Variants in CHD3 observed in about 807,000 individuals in gnomAD.
The protein encoded by CHD3 is chromodomain helicase DNA binding protein 3, also known as ATP-dependent chromatin remodeler CHD3.
A neutral mutation model predicts 248.9 loss-of-function variants in CHD3; 52 were observed. That is an observed-to-expected ratio of 0.21 (90% confidence interval 0.17 to 0.26). CHD3 has a LOEUF of 0.26. CHD3 is among the 10% of genes least tolerant of loss of function. The pLI is 1.00. For synonymous variants in CHD3, 985 were observed against 985.2 expected (o/e 1.00, Z 0.00); for missense variants, 1,482 against 2,605.8 (o/e 0.57, Z 9.39).
Position 7,903,620 on chromosome 17 carries a change from C to T in CHD3, c.3727+117C>T, listed in dbSNP as rs1970562636. 4 of 1,051,164 alleles carry T rather than the reference C, an allele frequency of 3.8e-6. No homozygotes were observed. The highest frequency in any genetic ancestry group is 5.5e-6 in the Non-Finnish European group (4 of 726,530). The allele number at this position is 1,051,164 out of a possible 1,614,324, so 65.1% of individuals were successfully genotyped here. A position where few individuals can be genotyped will look rare whatever the true frequency, so the allele number is the denominator to read the frequency against. On this transcript the variant is annotated intron_variant, in intron 23 of 39. Coordinates refer to ENST00000330494, the MANE Select transcript of CHD3 (RefSeq NM_001005273.3). This position sits in a 1 kb window ranked among gnomAD's most constrained non-coding sequence, Gnocchi z 6.8. ...CTGCAGCCTTTGAAGGAAGGAGAGCCTTCTTTTAGTAGCCCTTGGAGGAAG... is the reference window on the plus strand; with the variant it reads ...CTGCAGCCTTTGAAGGAAGGAGAGCTTTCTTTTAGTAGCCCTTGGAGGAAG...
chr17:7,904,026 C>T lies in CHD3; in HGVS notation c.3894+35C>T, dbSNP rs1970612888. ...TTTGGGGGCCAGACATTATCTATCC[C>T]AGGCCATCTCCAAAAGGCAGTATCC... On this transcript the variant is annotated intron_variant, in intron 24 of 39. Coordinates refer to ENST00000330494, the MANE Select transcript of CHD3 (RefSeq NM_001005273.3). This position sits in a 1 kb window ranked among gnomAD's most constrained non-coding sequence, Gnocchi z 4.4. 6.2e-7 allele frequency: 1 copy of T among 1,604,356 alleles called. No individual in the cohort carries two copies. The highest frequency in any genetic ancestry group is 1.3e-5 in the African/African-American group (1 of 74,860).
chr17:7,889,863 T>G lies in CHD3; in HGVS notation c.213+87T>G. ...CATTTTCTCTGGTCCTGATTACTGG[T>G]GTGGGGGTGGGGTTCTGAAGCCAGG... On this transcript the variant is annotated intron_variant, in intron 2 of 39. Coordinates refer to ENST00000330494, the MANE Select transcript of CHD3 (RefSeq NM_001005273.3). This position sits in a 1 kb window ranked among gnomAD's most constrained non-coding sequence, Gnocchi z 4.5. The G allele has an allele frequency of 7.6e-7, 1 of 1,321,894 alleles. No individual in the cohort carries two copies. 81.9% of individuals were successfully genotyped at this position (1,321,894 alleles called of 1,614,324 possible).
In CHD3 at chr17:7,900,820, T is replaced by G; in HGVS notation, c.2979-32T>G. 8 of 1,612,098 alleles carry G rather than the reference T, an allele frequency of 5.0e-6. No homozygotes were observed. Among genetic ancestry groups the G allele is most frequent in the Non-Finnish European group, 6.8e-6 (8 of 1,178,648 alleles). On this transcript the variant is annotated intron_variant, in intron 18 of 39. Coordinates refer to ENST00000330494, the MANE Select transcript of CHD3 (RefSeq NM_001005273.3). The surrounding 1 kb of genome is among the most constrained non-coding windows in gnomAD (Gnocchi z 6.5). Reference sequence around the variant, plus strand: ...ATATCATAATTGCTTCCTTTATTTATGTTTCTTTTACACCCCTTTCCTGGC... The same window carrying G: ...ATATCATAATTGCTTCCTTTATTTAGGTTTCTTTTACACCCCTTTCCTGGC...
chr17:7,893,268 C>G lies in CHD3; in HGVS notation c.510-18C>G. On this transcript the variant is annotated intron_variant, in intron 4 of 39. Coordinates refer to ENST00000330494, the MANE Select transcript of CHD3 (RefSeq NM_001005273.3). ...ACCATCTGTGAAGGGTCCGAGTTTTCTGCTTCTATATTTACAGGCCCCTAA... is the reference window on the plus strand; with the variant it reads ...ACCATCTGTGAAGGGTCCGAGTTTTGTGCTTCTATATTTACAGGCCCCTAA... The G allele has an allele frequency of 6.3e-7, 1 of 1,589,170 alleles. No individual in the cohort carries two copies. Among genetic ancestry groups the G allele is most frequent in the Non-Finnish European group, 8.6e-7 (1 of 1,165,594 alleles).
rs1185168169 is a variant in CHD3 at position 7,889,073 on chromosome 17, G to GGGT, written c.74_75insGTG (p.Gly25_Leu26insTer). 5.6e-6 allele frequency: 9 copies of GGGT among 1,614,240 alleles called. No individual in the cohort carries two copies. Among genetic ancestry groups the GGGT allele is most frequent in the Non-Finnish European group, 7.6e-6 (9 of 1,180,038 alleles). On this transcript the variant is annotated stop_gained and inframe_insertion, in exon 1 of 40. Transcript: ENST00000330494. LOFTEE classifies it high-confidence loss of function. This position sits in a 1 kb window ranked among gnomAD's most constrained non-coding sequence, Gnocchi z 4.5. ...CCAGCTGAGGATTTCTTTTCCTCCA[G>GGGT]GACTGTGTTGGGGTGACAGGATGCC... is the stretch of plus-strand genomic sequence containing the variant.
rs1210120022 is a variant in CHD3 at position 7,909,679 on chromosome 17, A to G, written c.5590+341A>G. ...AACATCATCCAGTTAGGGGCCTTGG[A>G]CTGTGAATGCACCATACAGATCCCT... is the stretch of plus-strand genomic sequence containing the variant. On this transcript the variant is annotated intron_variant, in intron 37 of 39. Coordinates refer to ENST00000330494, the MANE Select transcript of CHD3 (RefSeq NM_001005273.3). The surrounding 1 kb of genome is among the most constrained non-coding windows in gnomAD (Gnocchi z 8.1). The G allele has an allele frequency of 5.7e-6, 2 of 351,442 alleles. No individual in the cohort carries two copies. The highest frequency in any genetic ancestry group is 5.8e-5 in the East Asian group (1 of 17,294). The allele number at this position is 351,442 out of a possible 1,614,324, so 21.8% of individuals were successfully genotyped here.
At chr17:7,902,138 G>A (rs1372311437) in intron 20 of CHD3, among the ~76,000 whole-genome samples, 1 of 151,930 alleles carries the variant, frequency 6.6e-6, no homozygotes, top group Non-Finnish European at 1.5e-5. Context: ...TGTGACAAGA[G>A]GGCCAGACGT....
rs910715898 is a variant in CHD3 at position 7,905,260 on chromosome 17, C to CGT, written c.4138+105_4138+106dup. The CGT allele has an allele frequency of 3.4e-5, 40 of 1,180,892 alleles. No homozygotes were observed. Among genetic ancestry groups the CGT allele is most frequent in the African/African-American group, 2.6e-4 (17 of 66,352 alleles). The allele number at this position is 1,180,892 out of a possible 1,614,324, so 73.2% of individuals were successfully genotyped here. On this transcript the variant is annotated intron_variant, in intron 26 of 39. Transcript: ENST00000330494. The surrounding 1 kb of genome is among the most constrained non-coding windows in gnomAD (Gnocchi z 5.8). ...GTTTTTATACAAGTAAAAAAGTCTT[C>CGT]GTGTGTGTGTGGAAAAACTCGATTG...
Position 7,912,204 on chromosome 17 carries a change from A to C in CHD3, c.*619A>C. The C allele has an allele frequency of 5.8e-6, 1 of 173,508 alleles. No individual in the cohort carries two copies. The highest frequency in any genetic ancestry group is 1.2e-5 in the Non-Finnish European group (1 of 82,716). 10.7% of individuals were successfully genotyped at this position (173,508 alleles called of 1,614,324 possible). A position where few individuals can be genotyped will look rare whatever the true frequency, so the allele number is the denominator to read the frequency against. On this transcript the variant is annotated 3_prime_UTR_variant, in exon 40 of 40. Transcript: ENST00000330494. The stretch of plus-strand genomic sequence containing the variant: ...AAAGGTGCCGTTCACTGGCTCAGTT[A>C]CCTCCTGTGTACCGGCATCTTGTGT...
intron 6 of CHD3, 84 bp downstream of exon 6, chr17:7,894,019 C>T: frequency 1.9e-6 from 3 of 1,585,504 alleles, no homozygotes; most frequent in Non-Finnish European, 2.6e-6. Context: ...GATCCAGAGA[C>T]AGGGATCCGT....
chr17:7,887,703 C>A (rs1216848794), upstream of CHD3, among the ~76,000 whole-genome samples: 1 of 152,156 alleles, frequency 6.6e-6, no homozygotes, highest in Non-Finnish European at 1.5e-5. Context: ...GGCCGAGACT[C>A]CTCCCGCTTG....
In CHD3 at chr17:7,897,305, G is replaced by C. The variant is rs373129711; in HGVS notation, c.1919+11G>C. On this transcript the variant is annotated intron_variant, in intron 11 of 39. Coordinates refer to ENST00000330494, the MANE Select transcript of CHD3 (RefSeq NM_001005273.3). This position sits in a 1 kb window ranked among gnomAD's most constrained non-coding sequence, Gnocchi z 4.8. ...CATCATCAACCACAGGTGAATCCTC[G>C]GTCCCTGGGAAGTCAGACCTGGTAT... 1.5e-5 allele frequency: 24 copies of C among 1,611,294 alleles called. No homozygotes were observed. Among genetic ancestry groups the C allele is most frequent in the Non-Finnish European group, 2.0e-5 (23 of 1,178,840 alleles).
At chr17:7,894,359 C>T in intron 7 of CHD3, 56 bp from the exon 8 acceptor site, 1 of 1,588,812 alleles carries the variant, frequency 6.3e-7, no homozygotes, top group Non-Finnish European at 8.6e-7. Flanking sequence ...TTCTCCCTCT[C>T]TCTCTCCATC....
chr17:7,889,768 A>G lies in CHD3; in HGVS notation c.205A>G (p.Lys69Glu). Residue 69 changes from lysine (K) to glutamate (E), a missense_variant, in exon 2 of 40, where the codon AAG becomes GAG. Lys to Glu is a moderately conservative substitution (Grantham distance 56). Transcript: ENST00000330494. This position sits in a 1 kb window ranked among gnomAD's most constrained non-coding sequence, Gnocchi z 4.5. ...CAAGCCAGGAAAACCCCGAAAACGC[A>G]AGAAGCGTGTAAGTGTCAAGAATTC... ...ENKPGKPRKR[K>E]KRDSEEEFGS... 6.2e-7 allele frequency: 1 copy of G among 1,610,790 alleles called. No homozygotes were observed. The highest frequency in any genetic ancestry group is 1.6e-4 in the Middle Eastern group (1 of 6,062).
Position 7,893,415 on chromosome 17 carries a change from G to GGCAGCA in CHD3, c.651_656dup (p.Ala218_Ala219dup), listed in dbSNP as rs748472194. On this transcript the variant is annotated inframe_insertion, in exon 5 of 40. Coordinates refer to ENST00000330494, the MANE Select transcript of CHD3 (RefSeq NM_001005273.3). ...CAGCAGCTGCTGTGGCGGCGGCAGC[G>GGCAGCA]GCAGCAGCAGCAGCAGCTGTAGCTG... The GGCAGCA allele has an allele frequency of 1.1e-5, 18 of 1,610,572 alleles. No homozygotes were observed. Among genetic ancestry groups the GGCAGCA allele is most frequent in the South Asian group, 3.3e-5 (3 of 90,970 alleles).
At chr17:7,886,285 C>T (rs1967936884), upstream of CHD3, among the ~76,000 whole-genome samples, 1 of 152,226 alleles carries the variant, frequency 6.6e-6, no homozygotes, top group Admixed American at 6.5e-5. This position sits in a 1 kb window ranked among gnomAD's most constrained non-coding sequence, Gnocchi z 4.2. Flanking sequence ...GCGGTGTCCC[C>T]CTCAGACCAC....
upstream of CHD3, chr17:7,884,932 C>A: frequency 7.2e-7 from 1 of 1,391,160 alleles, no homozygotes; most frequent in Admixed American, 2.4e-5. Context: ...CCGACGAGGA[C>A]GATGAGGAGG....
chr17:7,911,711 C>T lies in CHD3; in HGVS notation c.*126C>T. 1.3e-6 allele frequency: 2 copies of T among 1,560,238 alleles called. No individual in the cohort carries two copies. Among genetic ancestry groups the T allele is most frequent in the East Asian group, 2.4e-5 (1 of 41,386 alleles). ...TGGGCCATCACTGGGCTAGGAACCC[C>T]TTTGCCCCTCTCTGCAGCTCCTCTC... On this transcript the variant is annotated 3_prime_UTR_variant, in exon 40 of 40. Transcript: ENST00000330494. This position sits in a 1 kb window ranked among gnomAD's most constrained non-coding sequence, Gnocchi z 5.4.
chr17:7,888,574 G>A (rs1048060795), upstream of CHD3, among the ~76,000 whole-genome samples: 1 of 152,198 alleles, frequency 6.6e-6, no homozygotes, highest in African/African-American at 2.4e-5. Flanking sequence ...CGTTCCCCAA[G>A]CCTTCACAGA....
Sources: allele counts gnomAD v4.1 joint callset (sites outside exome capture counted in the v4.1 genomes callset), GRCh38; gene constraint gnomAD v4.1.1; non-coding constraint Gnocchi (gnomAD v3.1); transcripts MANE v1.5; gene names NCBI Gene and HGNC (gene_info 2026-07-23, HGNC 2026-07-21).